WDR20: variants seen among roughly 807,000 people sequenced by gnomAD.
WDR20 encodes WD repeat domain 20, also known as WD repeat-containing protein 20.
In WDR20, 3 loss-of-function variants were observed where a neutral mutation model predicts 38.7. The ratio of observed to expected loss-of-function variants is 0.08; its 90% CI spans 0.04 to 0.20. WDR20 has a LOEUF of 0.20. Ranked by LOEUF, WDR20 falls within the 10% of genes least tolerant of loss-of-function variation. WDR20 has a pLI of 1.00. For synonymous variants in WDR20, 298 were observed against 285.6 expected (o/e 1.04, Z -0.44); for missense variants, 559 against 727.7 (o/e 0.77, Z 2.67).
intron 1 of WDR20, among the ~76,000 whole-genome samples, chr14:102,161,524 T>G (rs1422164933): frequency 6.6e-6 from 1 of 151,964 alleles, no homozygotes; most frequent in Non-Finnish European, 1.5e-5. Flanking sequence ...ATATTGCCCA[T>G]GCTGGGTTCA....
rs534814307 is a variant in WDR20, at chr14:102,220,583, G to A, written c.1693-2247G>A. ...AAACTACAAAAAGTTAGCTGGGCGTGGTGGCAGGCGCCTGTAGTCCAAGGT... is the reference window on the plus strand; with the variant it reads ...AAACTACAAAAAGTTAGCTGGGCGTAGTGGCAGGCGCCTGTAGTCCAAGGT... On this transcript the variant is annotated intron_variant, in intron 3 of 3. Transcript: ENST00000335263. This position sits in a 1 kb window ranked among gnomAD's most constrained non-coding sequence, Gnocchi z 4.2. 1.3e-5 allele frequency among the ~76,000 whole-genome samples: 2 copies of A among 152,134 alleles called. No individual in the cohort carries two copies. Among genetic ancestry groups the A allele is most frequent in the Admixed American group, 1.3e-4 (2 of 15,292 alleles).
At chr14:102,218,841 C>T (rs2063540145), downstream of WDR20, among the ~76,000 whole-genome samples, 1 of 152,244 alleles carries the variant, frequency 6.6e-6, no homozygotes, top group Admixed American at 6.5e-5. Flanking sequence ...CTGGAATTGC[C>T]AGCTGTCCTG....
intron 1 of WDR20, among the ~76,000 whole-genome samples, chr14:102,174,101 A>G (rs1056093173): frequency 6.6e-6 from 1 of 151,274 alleles, no homozygotes; most frequent in Non-Finnish European, 1.5e-5. Flanking sequence ...TTGGAATGCC[A>G]TGATTATTAT....
At chr14:102,179,159 A>G (rs1251095783) in intron 1 of WDR20, among the ~76,000 whole-genome samples, 1 of 152,106 alleles carries the variant, frequency 6.6e-6, no homozygotes. Flanking sequence ...CTCTCCTCAT[A>G]TACTTAACCC....
intron 1 of WDR20, among the ~76,000 whole-genome samples, chr14:102,181,904 C>T (rs181470681): frequency 2.8e-4 from 42 of 152,288 alleles, no homozygotes; most frequent in Admixed American, 2.5e-3. Context: ...ATTTTAAATA[C>T]AGCACTGTCC....
At chr14:102,148,341 T>C (rs977546030) in intron 1 of WDR20, among the ~76,000 whole-genome samples, 9 of 152,056 alleles carry the variant, frequency 5.9e-5, no homozygotes, top group African/African-American at 1.9e-4. Context: ...CCCCAGGAGT[T>C]TGAGACCAGC....
intron 1 of WDR20, among the ~76,000 whole-genome samples, chr14:102,193,137 T>G (rs919541411): frequency 2.6e-5 from 4 of 151,102 alleles, no homozygotes; most frequent in African/African-American, 9.7e-5. Context: ...TTTTTTTTGT[T>G]TTTTTTTTTG....
downstream of WDR20, chr14:102,212,434 C>T (rs1437600358): frequency 2.8e-6 from 4 of 1,437,200 alleles, no homozygotes; most frequent in Admixed American, 2.0e-5. Flanking sequence ...TGACCCCTGG[C>T]TCAGCCCAGG....
downstream of WDR20, chr14:102,213,608 C>A: frequency 9.1e-6 from 9 of 985,436 alleles, no homozygotes; most frequent in Non-Finnish European, 1.1e-5. Context: ...GGGCGGGGCC[C>A]AGGGCTCTCC....
At chr14:102,165,697 T>TTCGA (rs1450190873) in intron 1 of WDR20, among the ~76,000 whole-genome samples, 1 of 150,368 alleles carries the variant, frequency 6.7e-6, no homozygotes, top group East Asian at 2.0e-4. Context: ...AGTGCAGTGG[T>TTCGA]TCGATCACAA....
At chr14:102,165,636 C>CTTT (rs398026421) in intron 1 of WDR20, among the ~76,000 whole-genome samples, 2 of 129,380 alleles carry the variant, frequency 1.5e-5, no homozygotes, top group African/African-American at 2.9e-5. Flanking sequence ...CTTTTCTTTT[C>CTTT]TTTTTTTTTT....
At chr14:102,192,158 A>G (rs1388521198) in intron 1 of WDR20, among the ~76,000 whole-genome samples, 3 of 151,838 alleles carry the variant, frequency 2.0e-5, no homozygotes, top group Non-Finnish European at 4.4e-5. Flanking sequence ...AATAAACAGG[A>G]TATTTTTAGA....
intron 2 of WDR20, among the ~76,000 whole-genome samples, chr14:102,203,675 G>A (rs1004783): frequency 0.58 from 88,269 of 151,670 alleles, 27,549 homozygotes; most frequent in East Asian, 0.82. Context: ...TGCCACTCCT[G>A]CCTCCCTGCC....
At chr14:102,144,786 C>T (rs1278583913) in intron 1 of WDR20, among the ~76,000 whole-genome samples, 1 of 151,966 alleles carries the variant, frequency 6.6e-6, no homozygotes, top group Non-Finnish European at 1.5e-5. Context: ...TCACTGCAAC[C>T]TCTGCCGCCC....
intron 1 of WDR20, among the ~76,000 whole-genome samples, chr14:102,163,214 T>A (rs918747682): frequency 2.0e-5 from 3 of 152,142 alleles, no homozygotes; most frequent in African/African-American, 7.2e-5. Flanking sequence ...GCCAATTTCC[T>A]GTCTCTGTGT....
chr14:102,211,443 C>T (rs1361492908), downstream of WDR20, among the ~76,000 whole-genome samples: 3 of 152,026 alleles, frequency 2.0e-5, no homozygotes, highest in African/African-American at 4.8e-5. This position sits in a 1 kb window ranked among gnomAD's most constrained non-coding sequence, Gnocchi z 4.2. Flanking sequence ...GTCACGGTGG[C>T]GCCATCCACC....
At position 102,140,065 on chromosome 14, in the gene WDR20, G is replaced by C. The variant is rs763820486; in HGVS notation, c.142G>C (p.Val48Leu). 6.2e-7 allele frequency: 1 copy of C among 1,614,098 alleles called. No individual in the cohort carries two copies. The highest frequency in any genetic ancestry group is 8.5e-7 in the Non-Finnish European group (1 of 1,180,048). ...VPFNSQGSNP[V>L]RVSFVNLNDQ... ...CTTCAACTCGCAGGGATCCAACCCT[G>C]TCCGCGTCTCCTTCGTAAACCTCAA... The change falls in exon 1 of 3, where the codon GTC becomes CTC. Residue 48 changes from valine to leucine, a missense_variant. Transcript: ENST00000342702.
chr14:102,184,827 A>C (rs2064216554), intron 1 of WDR20, among the ~76,000 whole-genome samples: 1 of 152,098 alleles, frequency 6.6e-6, no homozygotes, highest in Non-Finnish European at 1.5e-5. Flanking sequence ...GCCGCCTCTC[A>C]AAGCCTTGCT....
downstream of WDR20, among the ~76,000 whole-genome samples, chr14:102,211,472 T>C (rs962758005): frequency 1.3e-5 from 2 of 152,148 alleles, no homozygotes; most frequent in Non-Finnish European, 2.9e-5. This position sits in a 1 kb window ranked among gnomAD's most constrained non-coding sequence, Gnocchi z 4.2. Flanking sequence ...ATCGTGGGCC[T>C]TAACGCAGTG....
Sources: allele counts gnomAD v4.1 joint callset (sites outside exome capture counted in the v4.1 genomes callset), GRCh38; gene constraint gnomAD v4.1.1; non-coding constraint Gnocchi (gnomAD v3.1); transcripts MANE v1.5; gene names NCBI Gene and HGNC (gene_info 2026-07-23, HGNC 2026-07-21).